TTBK2: variants seen among roughly 807,000 people sequenced by gnomAD.
The protein encoded by TTBK2 is tau tubulin kinase 2.
Under a neutral mutation model 110.8 loss-of-function variants are expected in TTBK2, and 28 were observed. The ratio of observed to expected loss-of-function variants is 0.25; its 90% CI spans 0.19 to 0.35. TTBK2 has a LOEUF of 0.35. TTBK2 is among the 10% of genes least tolerant of loss of function. TTBK2 has a pLI of 1.00. For missense variants in TTBK2, 1,369 were observed against 1,500.3 expected (o/e 0.91, Z 1.45); for synonymous variants, 532 against 527.3 (o/e 1.01, Z -0.12).
chr15:42,883,361 G>C (rs2141144321), intron 1 of TTBK2, among the ~76,000 whole-genome samples: 1 of 140,734 alleles, frequency 7.1e-6, no homozygotes, highest in South Asian at 2.2e-4. Flanking sequence ...TGGGTGACAA[G>C]AGCGAAACTC....
chr15:42,849,215 C>T (rs1230479963), intron 3 of TTBK2, among the ~76,000 whole-genome samples: 1 of 151,506 alleles, frequency 6.6e-6, no homozygotes, highest in Non-Finnish European at 1.5e-5. Flanking sequence ...GATCTGTTTT[C>T]AAGTTCACTG....
At chr15:42,853,840 C>A (rs1893820924) in intron 3 of TTBK2, among the ~76,000 whole-genome samples, 1 of 151,882 alleles carries the variant, frequency 6.6e-6, no homozygotes, top group Non-Finnish European at 1.5e-5. Context: ...GAGATGGCAC[C>A]ACTGCACTCC....
rs1040691185 is a variant in TTBK2, at chr15:42,748,049, G to A, written c.3273-1792C>T. ...ATATAAAACACAATTAATAAAAAATGTTCAGTTCCATGAACACTAAACTTT... is the reference window on the plus strand; with the variant it reads ...ATATAAAACACAATTAATAAAAAATATTCAGTTCCATGAACACTAAACTTT... On this transcript the variant is annotated intron_variant, in intron 14 of 14. Coordinates refer to ENST00000267890, the MANE Select transcript of TTBK2 (RefSeq NM_173500.4). Among the ~76,000 whole-genome samples, 6 of 152,284 alleles carry A rather than the reference G, an allele frequency of 3.9e-5. No individual in the cohort carries two copies. The East Asian group carries it at 1.2e-3, about 29-fold the overall frequency.
intron 9 of TTBK2, among the ~76,000 whole-genome samples, chr15:42,804,469 A>G (rs1224855720): frequency 1.3e-5 from 2 of 152,048 alleles, no homozygotes; most frequent in African/African-American, 4.8e-5. Flanking sequence ...CTTAACAACA[A>G]TGCTGTGAAG....
chr15:42,900,645 C>G (rs1031788366), intron 1 of TTBK2, among the ~76,000 whole-genome samples: 1 of 151,956 alleles, frequency 6.6e-6, no homozygotes, highest in African/African-American at 2.4e-5. Context: ...TCGCTTGAAC[C>G]CGGGAGGTGG....
At chr15:42,876,797 T>C (rs1378890891) in intron 2 of TTBK2, among the ~76,000 whole-genome samples, 1 of 152,032 alleles carries the variant, frequency 6.6e-6, no homozygotes, top group Non-Finnish European at 1.5e-5. Context: ...AGATTCCAGG[T>C]CTAGGAAAAG....
At chr15:42,829,866 A>C in intron 5 of TTBK2, 72 bp downstream of exon 5, 1 of 1,572,050 alleles carries the variant, frequency 6.4e-7, no homozygotes, top group Admixed American at 1.7e-5. Context: ...CTACATTTGT[A>C]ATTTATTGTG....
intron 3 of TTBK2, among the ~76,000 whole-genome samples, chr15:42,859,084 A>AT (rs1379498591): frequency 2.6e-5 from 4 of 152,006 alleles, no homozygotes; most frequent in African/African-American, 4.8e-5. Context: ...TTATTTATTT[A>AT]TTTTTTATTT....
chr15:42,854,152 G>A (rs1042213144), intron 3 of TTBK2, among the ~76,000 whole-genome samples: 2 of 152,020 alleles, frequency 1.3e-5, no homozygotes, highest in African/African-American at 4.8e-5. Flanking sequence ...TGCCCAGGCC[G>A]ATCTCATACT....
intron 10 of TTBK2, among the ~76,000 whole-genome samples, chr15:42,786,141 A>C (rs1890405357): frequency 2.0e-5 from 3 of 152,224 alleles, no homozygotes; most frequent in Admixed American, 6.5e-5. Flanking sequence ...AAGAAAAAAA[A>C]AAAAACTTAC....
At chr15:42,872,860 GT>G in intron 2 of TTBK2, 102 bp from the exon 3 acceptor site, 16 of 1,368,248 alleles carry the variant, frequency 1.2e-5, no homozygotes, top group Admixed American at 2.3e-5. Context: ...TTTATAATCT[GT>G]TTTTTGATAA....
chr15:42,777,908 G>A (rs1348257785), intron 11 of TTBK2, among the ~76,000 whole-genome samples: 1 of 152,054 alleles, frequency 6.6e-6, no homozygotes, highest in Non-Finnish European at 1.5e-5. Flanking sequence ...GCTCAAATTG[G>A]TGATATACTC....
Position 42,746,179 on chromosome 15 carries a change from A to G in TTBK2, c.3351T>C (p.Asn1117=). 1.9e-6 allele frequency: 3 copies of G among 1,614,204 alleles called. No homozygotes were observed. The highest frequency in any genetic ancestry group is 1.3e-5 in the African/African-American group (1 of 75,054). The change falls in exon 15 of 15, where the codon AAT becomes AAC. Residue 1117 remains asparagine, a synonymous_variant. Coordinates refer to ENST00000267890, the MANE Select transcript of TTBK2 (RefSeq NM_173500.4). The part of the protein sequence containing the change: ...LFSRLAQILQ[N]GSQKPRSTTQ... ...TAGTGCTCCGGGGTTTCTGAGATCC[A>G]TTTTGAAGAATTTGGGCCAGGCGGG...
intron 13 of TTBK2, among the ~76,000 whole-genome samples, chr15:42,771,870 A>G (rs1357290115): frequency 6.6e-6 from 1 of 152,170 alleles, no homozygotes; most frequent in East Asian, 1.9e-4. Flanking sequence ...CACCAAGTCT[A>G]GCCTACCAGC....
intron 4 of TTBK2, among the ~76,000 whole-genome samples, chr15:42,839,196 G>A (rs1893119857): frequency 6.6e-6 from 1 of 152,168 alleles, no homozygotes; most frequent in South Asian, 2.1e-4. Flanking sequence ...AGAACATGCA[G>A]TATTTGGTTT....
chr15:42,887,029 C>T (rs1004712782), intron 1 of TTBK2, among the ~76,000 whole-genome samples: 1 of 152,126 alleles, frequency 6.6e-6, no homozygotes, highest in Non-Finnish European at 1.5e-5. Flanking sequence ...AGGGTAAGTC[C>T]GTCCCCTTCT....
In TTBK2 at chr15:42,752,424, C is replaced by T. The variant is rs532401842; in HGVS notation, c.2822G>A (p.Arg941Lys). 2.4e-5 allele frequency: 39 copies of T among 1,614,186 alleles called. 1 individual carries two copies. In the South Asian group the frequency reaches 4.1e-4, roughly 17 times the overall value. Residue 941 changes from arginine (R) to lysine (K), a missense_variant, in exon 14 of 15, where the codon AGA becomes AAA. By Grantham distance (26) the Arg-to-Lys change is conservative. Transcript: ENST00000267890. ...TGCTAAAACAGGGATTCGGCTGTGT[C>T]TAGTTACAAAGGATGACCTAACCAT... ...KDMVRSSFVT[R>K]HSRIPVLAQE...
At chr15:42,879,519 G>T (rs1038868346) in intron 1 of TTBK2, among the ~76,000 whole-genome samples, 1 of 151,880 alleles carries the variant, frequency 6.6e-6, no homozygotes, top group East Asian at 1.9e-4. Context: ...TAAATATTTC[G>T]GTCCCTAGGC....
At chr15:42,799,589 C>A (rs765477100) in intron 9 of TTBK2, among the ~76,000 whole-genome samples, 1 of 151,972 alleles carries the variant, frequency 6.6e-6, no homozygotes, top group Non-Finnish European at 1.5e-5. Flanking sequence ...TGTGCCACCA[C>A]GCCCAGCTAA....
Sources: allele counts gnomAD v4.1 joint callset (sites outside exome capture counted in the v4.1 genomes callset), GRCh38; gene constraint gnomAD v4.1.1; transcripts MANE v1.5; gene names NCBI Gene and HGNC (gene_info 2026-07-23, HGNC 2026-07-21).